MECOM: variants seen among roughly 807,000 people sequenced by gnomAD.
MECOM encodes the protein MDS1 and EVI1 complex locus.
MECOM carries 13 observed loss-of-function variants against 116.3 expected under a neutral mutation model. That is an observed-to-expected ratio of 0.11 (90% CI 0.07 to 0.18). MECOM has a LOEUF of 0.18. Ranked by LOEUF, MECOM falls within the 10% of genes least tolerant of loss-of-function variation. The pLI, the probability that MECOM is intolerant of heterozygous loss-of-function variation, is 1.00. For missense variants in MECOM, 1,299 were observed against 1,509.0 expected (o/e 0.86, Z 2.31); for synonymous variants, 528 against 535.2 (o/e 0.99, Z 0.19).
chr3:169,593,964 C>CA (rs1455361495), intron 1 of MECOM, among the ~76,000 whole-genome samples: 3 of 151,622 alleles, frequency 2.0e-5, no homozygotes, highest in East Asian at 1.9e-4. Flanking sequence ...ACTAAAAACA[C>CA]AAAAAAATTA....
chr3:169,207,183 TA>T (rs1750051264), intron 2 of MECOM, among the ~76,000 whole-genome samples: 4 of 152,156 alleles, frequency 2.6e-5, no homozygotes, highest in Non-Finnish European at 5.9e-5. Flanking sequence ...AGTGTGCATA[TA>T]AATGTCTGGA....
At chr3:169,484,129 G>A in intron 1 of MECOM, 1 of 764,564 alleles carries the variant, frequency 1.3e-6, no homozygotes, top group Admixed American at 2.2e-5. Flanking sequence ...TAAACAAAAA[G>A]TGATTCTTTT....
chr3:169,119,201 G>T (rs916923568), intron 7 of MECOM, among the ~76,000 whole-genome samples: 1 of 152,128 alleles, frequency 6.6e-6, no homozygotes, highest in Admixed American at 6.5e-5. Context: ...CACCAGTGGG[G>T]GTAAATCGTG....
chr3:169,231,261 TCATG>T (rs1753360549), intron 2 of MECOM, among the ~76,000 whole-genome samples: 1 of 152,162 alleles, frequency 6.6e-6, no homozygotes, highest in African/African-American at 2.4e-5. Context: ...ACTTTTTCAT[TCATG>T]CATTCATTCA....
intron 1 of MECOM, among the ~76,000 whole-genome samples, chr3:169,638,070 A>T (rs1007915133): frequency 6.6e-6 from 1 of 152,228 alleles, no homozygotes; most frequent in Non-Finnish European, 1.5e-5. Flanking sequence ...GGATGAAAAA[A>T]GTTCCCAAAG....
At chr3:169,137,030 T>C (rs1352551309) in intron 3 of MECOM, among the ~76,000 whole-genome samples, 1 of 152,110 alleles carries the variant, frequency 6.6e-6, no homozygotes, top group Non-Finnish European at 1.5e-5. Context: ...GAAAACCTTT[T>C]CTGGCTATTG....
intron 3 of MECOM, chr3:169,133,824 C>T: frequency 1.2e-6 from 1 of 844,670 alleles, no homozygotes; most frequent in Non-Finnish European, 1.7e-6. Context: ...CTAAACTTTC[C>T]AGTTAAATAC....
In MECOM at chr3:169,555,800, T is replaced by C. The variant is rs114363855; in HGVS notation, c.37+107536A>G. On this transcript the variant is annotated intron_variant, in intron 1 of 16. Transcript: ENST00000651503. ...ATACTTTAATACCTGTTGGAACATA[T>C]CGTATAAAAGCAATTCATCACTTAT... is the stretch of plus-strand genomic sequence containing the variant. 2.7e-3 allele frequency among the ~76,000 whole-genome samples: 415 copies of C among 152,272 alleles called. 3 individuals are homozygous for C. Among genetic ancestry groups the C allele is most frequent in the African/African-American group, 9.5e-3 (396 of 41,562 alleles).
rs16853463 is a variant in MECOM, at chr3:169,305,360, T to A, written c.375+75827A>T. The stretch of plus-strand genomic sequence containing the variant: ...TCACAGAAGCCAAGGAGAATGATAA[T>A]GTGCATCTCAATTACGAGACAAGGA... On this transcript the variant is annotated intron_variant, in intron 2 of 16. Transcript: ENST00000651503. 0.012 allele frequency among the ~76,000 whole-genome samples: 1,866 copies of A among 152,188 alleles called. 106 individuals carry two copies. In the East Asian group the frequency reaches 0.19, roughly 15 times the overall value.
chr3:169,189,512 A>G (rs1239243992), intron 2 of MECOM, among the ~76,000 whole-genome samples: 1 of 152,078 alleles, frequency 6.6e-6, no homozygotes, highest in Non-Finnish European at 1.5e-5. Flanking sequence ...TAGCTGGCCC[A>G]ACAAAGACAA....
intron 2 of MECOM, among the ~76,000 whole-genome samples, chr3:169,160,491 A>AT (rs1458800769): frequency 6.7e-6 from 1 of 149,630 alleles, no homozygotes; most frequent in African/African-American, 2.4e-5. Flanking sequence ...ACTTTTAGTT[A>AT]TTTTTAAATG....
chr3:169,599,077 A>G (rs1185666837), intron 1 of MECOM, among the ~76,000 whole-genome samples: 1 of 152,246 alleles, frequency 6.6e-6, no homozygotes, highest in Non-Finnish European at 1.5e-5. Context: ...CTCTGCTTCC[A>G]TCATTCAGGG....
intron 1 of MECOM, among the ~76,000 whole-genome samples, chr3:169,554,062 T>A (rs1761733830): frequency 6.6e-6 from 1 of 152,178 alleles, no homozygotes; most frequent in African/African-American, 2.4e-5. Flanking sequence ...AAAGCAGTCA[T>A]AAGGCTACAG....
chr3:169,592,387 A>G (rs1240289924), intron 1 of MECOM, among the ~76,000 whole-genome samples: 1 of 152,040 alleles, frequency 6.6e-6, no homozygotes, highest in Non-Finnish European at 1.5e-5. Context: ...CTTGGCCAAC[A>G]TTATTTTCCT....
At chr3:169,264,080 T>A (rs1757968874) in intron 2 of MECOM, among the ~76,000 whole-genome samples, 3 of 152,216 alleles carry the variant, frequency 2.0e-5, no homozygotes. Flanking sequence ...AGGTTCAGGA[T>A]GTATGTCCTT....
chr3:169,653,315 C>T (rs1303204406), intron 1 of MECOM, among the ~76,000 whole-genome samples: 2 of 151,934 alleles, frequency 1.3e-5, no homozygotes, highest in Non-Finnish European at 2.9e-5. Flanking sequence ...AGTATTAGGC[C>T]CTATACAAAA....
intron 1 of MECOM, among the ~76,000 whole-genome samples, chr3:169,610,657 A>C (rs377054083): frequency 5.3e-5 from 8 of 152,188 alleles, no homozygotes; most frequent in African/African-American, 1.9e-4. Context: ...GTACATGTGC[A>C]TAAGAGGGAA....
chr3:169,107,877 C>T lies in MECOM; in HGVS notation c.2604+49G>A, dbSNP rs1576949705. ...AGCAATTTAGAATGTAAGCTGTTTTCTTTTTAATGCTACATCACTTTAGTC... is the reference window on the plus strand; with the variant it reads ...AGCAATTTAGAATGTAAGCTGTTTTTTTTTTAATGCTACATCACTTTAGTC... On this transcript the variant is annotated intron_variant, in intron 10 of 16. Transcript: ENST00000651503. 4 of 1,523,968 alleles carry T rather than the reference C, an allele frequency of 2.6e-6. No homozygotes were observed. In the East Asian group the frequency reaches 9.1e-5, roughly 35 times the overall value. 94.4% of individuals were successfully genotyped at this position (1,523,968 alleles called of 1,614,324 possible). A position where few individuals can be genotyped will look rare whatever the true frequency, so the allele number is the denominator to read the frequency against.
intron 1 of MECOM, among the ~76,000 whole-genome samples, chr3:169,415,551 G>A (rs555579872): frequency 4.5e-4 from 68 of 152,166 alleles, no homozygotes; most frequent in African/African-American, 1.4e-3. Flanking sequence ...AAATGCAAAC[G>A]GGCTAAATGC....
Sources: gnomAD v4.1 joint callset for allele counts (sites outside exome capture counted in the v4.1 genomes callset) on GRCh38, gnomAD v4.1.1 for gene constraint, MANE v1.5 for transcripts, NCBI Gene and HGNC (gene_info 2026-07-23, HGNC 2026-07-21) for gene names.